The following DCLRE1C variants were observed in gnomAD, a reference collection of about 807,000 sequenced individuals.
DCLRE1C encodes the protein DNA cross-link repair 1C.
DCLRE1C carries 47 observed loss-of-function variants against 61.4 expected under a neutral mutation model. The observed-to-expected ratio is 0.77, with a 90% confidence interval of 0.61 to 0.98. The LOEUF (loss-of-function observed/expected upper bound fraction) is 0.98. DCLRE1C is among the 50% of genes least tolerant of loss of function. The pLI is 0.00. For missense variants in DCLRE1C, 858 were observed against 816.0 expected (o/e 1.05, Z -0.63); for synonymous variants, 337 against 287.6 (o/e 1.17, Z -1.74).
chr10:14,898,839 CAATTT>C (rs1833787363), exon 14 of DCLRE1C: 1 of 177,602 alleles, frequency 5.6e-6, no homozygotes, highest in African/African-American at 2.4e-5. Context: ...GTATTTTTAA[CAATTT>C]TCCATTTGTA....
In DCLRE1C at chr10:14,924,251, A is replaced by G. The variant is rs557198586; in HGVS notation, c.973-1182T>C. ...ATTCTTATGTGGCCAGTGAGGGTTGAAAGACTGTGCACATAGACTGCCTCT... is the reference window on the plus strand; with the variant it reads ...ATTCTTATGTGGCCAGTGAGGGTTGGAAGACTGTGCACATAGACTGCCTCT... On this transcript the variant is annotated intron_variant, in intron 11 of 13. Transcript: ENST00000378278. 3.3e-5 allele frequency among the ~76,000 whole-genome samples: 5 copies of G among 152,362 alleles called. No homozygotes were observed. In the South Asian group the frequency reaches 6.2e-4, roughly 19 times the overall value.
intron 3 of DCLRE1C, among the ~76,000 whole-genome samples, chr10:14,944,561 A>C (rs889796200): frequency 1.1e-4 from 16 of 152,094 alleles, no homozygotes; most frequent in African/African-American, 3.6e-4. Context: ...GATTAAGCAA[A>C]CAAAACTGAG....
rs532641842 is a variant in DCLRE1C, at chr10:14,911,731, TTAACTC to T, written c.1157-2407_1157-2402del. On this transcript the variant is annotated intron_variant, in intron 13 of 13. Transcript: ENST00000378278. ...TCAGATAAAGGACTGATACCAGACT[TTAACTC>T]TTACAACTCAATACAAAGGTCAATA... Among the ~76,000 whole-genome samples the T allele has an allele frequency of 2.1e-3, 326 of 152,318 alleles. 1 individual carries two copies. The highest frequency in any genetic ancestry group is 7.3e-3 in the African/African-American group (302 of 41,562).
chr10:14,946,521 A>G (rs1300345892), intron 2 of DCLRE1C, among the ~76,000 whole-genome samples: 1 of 152,026 alleles, frequency 6.6e-6, no homozygotes, highest in Non-Finnish European at 1.5e-5. Flanking sequence ...TTCACCATAG[A>G]ATGCGGTGGA....
In DCLRE1C at chr10:14,945,182, C is replaced by T; in HGVS notation, c.169G>A (p.Val57Ile). 6.2e-7 allele frequency: 1 copy of T among 1,612,214 alleles called. No individual in the cohort carries two copies. The highest frequency in any genetic ancestry group is 8.5e-7 in the Non-Finnish European group (1 of 1,179,224). Reference protein sequence around the residue: ...LKRRLECSLKVYLYCSPVTKE... With the variant: ...LKRRLECSLKIYLYCSPVTKE... ...GTCACAGGTGAACAGTATAGATAAA[C>T]CTTCAAGCTGAAAGGAAAAAAGAAA... Residue 57 changes from valine (V) to isoleucine (I), a missense_variant, in exon 3 of 14, where the codon GTT becomes ATT. By Grantham distance (29) the Val-to-Ile change is conservative (BLOSUM62 3). This residue lies in a region of DCLRE1C where 843 missense variants were observed against 783.5 expected (regional missense o/e 1.08). Coordinates refer to ENST00000378278, the MANE Select transcript of DCLRE1C (RefSeq NM_001033855.3).
downstream of DCLRE1C, chr10:14,901,126 T>C (rs779744463): frequency 2.5e-6 from 4 of 1,613,536 alleles, no homozygotes; most frequent in Admixed American, 3.3e-5. Context: ...CTAATGTTCC[T>C]TTTTAGTGTG....
chr10:14,918,435 A>C (rs1836555922), intron 13 of DCLRE1C, among the ~76,000 whole-genome samples: 1 of 152,232 alleles, frequency 6.6e-6, no homozygotes, highest in Non-Finnish European at 1.5e-5. Context: ...GACAGAAGGC[A>C]GATCAGTGGA....
In DCLRE1C at chr10:14,918,598, A is replaced by C. The variant is rs549247328; in HGVS notation, c.1156+1140T>G. ...ATTGTACACCTTACATGTGCAGTTTATATCAATTATACCTCAGGAAAGCTG... is the reference window on the plus strand; with the variant it reads ...ATTGTACACCTTACATGTGCAGTTTCTATCAATTATACCTCAGGAAAGCTG... On this transcript the variant is annotated intron_variant, in intron 13 of 13. Coordinates refer to ENST00000378278, the MANE Select transcript of DCLRE1C (RefSeq NM_001033855.3). Among the ~76,000 whole-genome samples the C allele has an allele frequency of 7.7e-4, 117 of 151,804 alleles. 1 individual carries two copies. The highest frequency in any genetic ancestry group is 2.7e-3 in the Admixed American group (41 of 15,250).
chr10:14,930,687 C>G (rs1013670995), intron 9 of DCLRE1C, among the ~76,000 whole-genome samples: 1 of 152,162 alleles, frequency 6.6e-6, no homozygotes, highest in Admixed American at 6.6e-5. Context: ...CACGCCTCGG[C>G]CTCTTAAAGC....
At chr10:14,922,449 A>C (rs1175322836) in intron 12 of DCLRE1C, among the ~76,000 whole-genome samples, 4 of 151,992 alleles carry the variant, frequency 2.6e-5, no homozygotes, top group Non-Finnish European at 5.9e-5. Flanking sequence ...TAAAAAAAAA[A>C]AAAAAATCAT....
At chr10:14,923,121 GT>G (rs776275081) in intron 11 of DCLRE1C, 52 bp from the exon 12 acceptor site, 25 of 1,385,632 alleles carry the variant, frequency 1.8e-5, no homozygotes, top group Non-Finnish European at 2.4e-5. Context: ...GAAACAGGTT[GT>G]TAGGGGAGAT....
chr10:14,938,451 G>C (rs528617748), intron 4 of DCLRE1C, among the ~76,000 whole-genome samples: 1 of 152,106 alleles, frequency 6.6e-6, no homozygotes, highest in South Asian at 2.1e-4. Context: ...CTTCACCAAA[G>C]AAGAAATATC....
At chr10:14,914,878 T>C (rs1172210503) in intron 13 of DCLRE1C, among the ~76,000 whole-genome samples, 3 of 151,898 alleles carry the variant, frequency 2.0e-5, no homozygotes, top group African/African-American at 7.3e-5. Flanking sequence ...AGGCAGAGGT[T>C]GCAATGAGCC....
intron 13 of DCLRE1C, 50 bp downstream of exon 13, chr10:14,919,688 C>G (rs996620144): frequency 7.2e-7 from 1 of 1,392,622 alleles, no homozygotes; most frequent in African/African-American, 1.4e-5. Flanking sequence ...CCCTGGAAAG[C>G]AGTGTTTGCA....
chr10:14,901,848 T>A (rs1426698491), downstream of DCLRE1C, among the ~76,000 whole-genome samples: 1 of 152,242 alleles, frequency 6.6e-6, no homozygotes, highest in East Asian at 1.9e-4. Flanking sequence ...ACTATAAGCC[T>A]ACATTTTTGA....
rs1833714889 is a variant in DCLRE1C at position 14,898,084 on chromosome 10, A to G, written c.*1080T>C. On this transcript the variant is annotated 3_prime_UTR_variant, in exon 14 of 14. Transcript: ENST00000378289. ...GCAAATTTATTTGTATACAAATCATATATATGTATATATATATATAAATGT... is the reference window on the plus strand; with the variant it reads ...GCAAATTTATTTGTATACAAATCATGTATATGTATATATATATATAAATGT... The G allele has an allele frequency of 1.4e-5, 2 of 146,848 alleles. 1 individual carries two copies. Among genetic ancestry groups the G allele is most frequent in the Admixed American group, 1.3e-4 (2 of 14,912 alleles). 9.1% of individuals were successfully genotyped at this position (146,848 alleles called of 1,614,324 possible). A position where few individuals can be genotyped will look rare whatever the true frequency, so the allele number is the denominator to read the frequency against.
At chr10:14,919,459 C>T (rs1184934525) in intron 13 of DCLRE1C, among the ~76,000 whole-genome samples, 1 of 152,192 alleles carries the variant, frequency 6.6e-6, no homozygotes, top group Non-Finnish European at 1.5e-5. Context: ...CTCTTTATGG[C>T]CTCTACTGAT....
chr10:14,950,357 C>CAAAAAA (rs1196056427), intron 1 of DCLRE1C, among the ~76,000 whole-genome samples: 3 of 71,290 alleles, frequency 4.2e-5, no homozygotes, highest in East Asian at 3.7e-4. Context: ...AAATAATAAC[C>CAAAAAA]AAAAAAAAAA....
upstream of DCLRE1C, chr10:14,954,325 G>C: frequency 2.1e-6 from 1 of 465,796 alleles, no homozygotes; most frequent in Non-Finnish European, 4.0e-6. Context: ...GCCCATGTCT[G>C]TGGAGGTGCA....
Sources: allele counts gnomAD v4.1 joint callset (sites outside exome capture counted in the v4.1 genomes callset), GRCh38; gene constraint gnomAD v4.1.1; regional missense constraint gnomAD v4.1.1; transcripts MANE v1.5; gene names NCBI Gene and HGNC (gene_info 2026-07-23, HGNC 2026-07-21).